GPC6: variants seen among roughly 807,000 people sequenced by gnomAD.
The protein encoded by GPC6 is glypican 6.
GPC6 carries 14 observed loss-of-function variants against 55.2 expected under a neutral mutation model. The ratio of observed to expected loss-of-function variants is 0.25; its 90% CI spans 0.17 to 0.40. The LOEUF (loss-of-function observed/expected upper bound fraction) is 0.40. Among genes scored for constraint, GPC6 ranks in the 10% least tolerant of loss-of-function variants. The probability of loss-of-function intolerance (pLI) is 1.00; values close to 1 mark genes in which losing one functional copy is unlikely to be tolerated. For synonymous variants in GPC6, 278 were observed against 259.6 expected (o/e 1.07, Z -0.68); for missense variants, 641 against 708.5 (o/e 0.90, Z 1.08).
chr13:93,672,282 A>G (rs1381120646), intron 2 of GPC6, among the ~76,000 whole-genome samples: 1 of 151,550 alleles, frequency 6.6e-6, no homozygotes, highest in African/African-American at 2.4e-5. Flanking sequence ...GAAATTCCAA[A>G]TGTATTGCAG....
intron 4 of GPC6, among the ~76,000 whole-genome samples, chr13:94,159,854 T>C (rs1260966919): frequency 1.3e-5 from 2 of 152,230 alleles, no homozygotes; most frequent in Admixed American, 1.3e-4. Flanking sequence ...CCCATACCAA[T>C]GTCACCATTC....
intron 1 of GPC6, among the ~76,000 whole-genome samples, chr13:93,281,100 C>T: frequency 6.6e-6 from 1 of 152,196 alleles, no homozygotes; most frequent in East Asian, 1.9e-4. Flanking sequence ...CTTCAGCATT[C>T]AAATGCTGAG....
chr13:93,605,205 C>G (rs933956484), intron 2 of GPC6, among the ~76,000 whole-genome samples: 2 of 152,140 alleles, frequency 1.3e-5, no homozygotes, highest in African/African-American at 4.8e-5. Flanking sequence ...ACCTGCTTCT[C>G]TAATAATTTA....
intron 3 of GPC6, among the ~76,000 whole-genome samples, chr13:93,927,916 C>T (rs192976093): frequency 5.3e-5 from 8 of 152,072 alleles, no homozygotes; most frequent in East Asian, 1.9e-4. Flanking sequence ...AACTGAAAAT[C>T]GAGGGGATGA....
intron 4 of GPC6, among the ~76,000 whole-genome samples, chr13:94,161,785 A>C (rs1377843114): frequency 6.6e-6 from 1 of 152,158 alleles, no homozygotes; most frequent in African/African-American, 2.4e-5. Context: ...CCATTTTCAC[A>C]CTGCTGATAA....
chr13:93,510,741 T>A (rs1880923858), intron 1 of GPC6, among the ~76,000 whole-genome samples: 1 of 151,522 alleles, frequency 6.6e-6, no homozygotes, highest in Non-Finnish European at 1.5e-5. Context: ...CACACTGTTT[T>A]CTACTAGCGT....
chr13:93,766,463 G>C (rs1253182060), intron 2 of GPC6, among the ~76,000 whole-genome samples: 2 of 152,014 alleles, frequency 1.3e-5, no homozygotes, highest in Non-Finnish European at 2.9e-5. Flanking sequence ...TTAAAATTTT[G>C]TTAGGAGGGT....
At chr13:93,938,864 G>A (rs1297361076) in intron 3 of GPC6, among the ~76,000 whole-genome samples, 2 of 152,212 alleles carry the variant, frequency 1.3e-5, no homozygotes, top group Admixed American at 6.5e-5. Flanking sequence ...AGCACTTTGG[G>A]AGGCTGAGGT....
At chr13:93,326,214 G>A (rs1566300450) in intron 1 of GPC6, among the ~76,000 whole-genome samples, 1 of 152,174 alleles carries the variant, frequency 6.6e-6, no homozygotes, top group East Asian at 1.9e-4. Flanking sequence ...TTGAGAGGCT[G>A]TGGGGTTGAG....
chr13:93,290,336 C>T (rs1246428964), intron 1 of GPC6, among the ~76,000 whole-genome samples: 1 of 152,116 alleles, frequency 6.6e-6, no homozygotes, highest in Middle Eastern at 3.2e-3. Flanking sequence ...CAATTAAGAA[C>T]TATTTCCACA....
At chr13:93,761,766 T>G (rs1884962862) in intron 2 of GPC6, among the ~76,000 whole-genome samples, 1 of 152,134 alleles carries the variant, frequency 6.6e-6, no homozygotes, top group African/African-American at 2.4e-5. Flanking sequence ...TTAGATATAT[T>G]TATGGGGTAC....
At chr13:94,389,885 T>A (rs1880569801) in intron 7 of GPC6, among the ~76,000 whole-genome samples, 4 of 152,198 alleles carry the variant, frequency 2.6e-5, no homozygotes, top group African/African-American at 9.7e-5. Flanking sequence ...TTTAAAATGC[T>A]TTCTGGGAGG....
chr13:93,634,594 G>T (rs1050344222), intron 2 of GPC6, among the ~76,000 whole-genome samples: 2 of 152,098 alleles, frequency 1.3e-5, no homozygotes, highest in African/African-American at 4.8e-5. Flanking sequence ...TGTTTGAGTG[G>T]CTGTGTTTGT....
chr13:94,036,186 C>T (rs1421665066), intron 4 of GPC6, among the ~76,000 whole-genome samples: 1 of 151,922 alleles, frequency 6.6e-6, no homozygotes, highest in Non-Finnish European at 1.5e-5. Flanking sequence ...GGTTGTAACT[C>T]TTTAAAAATA....
chr13:93,612,292 A>C (rs1878505137), intron 2 of GPC6, among the ~76,000 whole-genome samples: 1 of 152,088 alleles, frequency 6.6e-6, no homozygotes, highest in South Asian at 2.1e-4. Context: ...GAGTTCAGGA[A>C]ATCGAGACCA....
intron 1 of GPC6, among the ~76,000 whole-genome samples, chr13:93,231,337 A>G (rs1480870284): frequency 1.4e-3 from 73 of 52,366 alleles, no homozygotes; most frequent in Non-Finnish European, 1.7e-3. Context: ...ATACGTATAT[A>G]TATATATACA....
At chr13:94,223,664 C>T (rs944840) in intron 4 of GPC6, among the ~76,000 whole-genome samples, 27,228 of 152,086 alleles carry the variant, frequency 0.18, 2,655 homozygotes, top group East Asian at 0.37. Flanking sequence ...AAATCCTCCA[C>T]GCACTACAAC....
At chr13:93,661,660 GAA>G (rs746156437) in intron 2 of GPC6, among the ~76,000 whole-genome samples, 104 of 152,288 alleles carry the variant, frequency 6.8e-4, no homozygotes, top group Middle Eastern at 3.4e-3. Flanking sequence ...TACCCAGAGA[GAA>G]ATGGGCTAAA....
At chr13:94,165,669 A>G (rs564386149) in intron 4 of GPC6, among the ~76,000 whole-genome samples, 1 of 152,320 alleles carries the variant, frequency 6.6e-6, no homozygotes, top group African/African-American at 2.4e-5. Flanking sequence ...AATTATATCC[A>G]TGAATGCTTT....
Sources: gnomAD v4.1 joint callset for allele counts (sites outside exome capture counted in the v4.1 genomes callset) on GRCh38, gnomAD v4.1.1 for gene constraint, MANE v1.5 for transcripts, NCBI Gene and HGNC (gene_info 2026-07-23, HGNC 2026-07-21) for gene names.